DPP4: variants seen among roughly 807,000 people sequenced by gnomAD.
The protein encoded by DPP4 is ADCP-2.
DPP4 carries 93 observed loss-of-function variants against 122.4 expected under a neutral mutation model. The observed-to-expected ratio is 0.76, with a 90% CI of 0.64 to 0.90. DPP4 has a LOEUF of 0.90. Ranked by LOEUF, DPP4 falls within the 40% of genes least tolerant of loss-of-function variation. DPP4 has a pLI of 0.00. For missense variants in DPP4, 914 were observed against 907.3 expected (o/e 1.01, Z -0.09); for synonymous variants, 321 against 302.9 (o/e 1.06, Z -0.62).
intron 7 of DPP4, 116 bp downstream of exon 7, chr2:162,038,833 T>C (rs1683881506): frequency 3.3e-6 from 3 of 898,402 alleles, no homozygotes; most frequent in African/African-American, 1.7e-5. Context: ...AATAACACTA[T>C]GTTCTATAGT....
Position 162,018,850 on chromosome 2 carries a change from T to G in DPP4, c.1299A>C (p.Lys433Asn). 1 of 1,613,528 alleles carries G rather than the reference T, an allele frequency of 6.2e-7. No individual in the cohort carries two copies. Among genetic ancestry groups the G allele is most frequent in the African/African-American group, 1.3e-5 (1 of 75,006 alleles). ...KGMPGGRNLYKIQLSDYTKVT... is the reference protein window; with the variant it reads ...KGMPGGRNLYNIQLSDYTKVT... ...CTTTTGTATAGTCACTAAGTTGGAT[T>G]CTGTAAAACCAACGGTGGAAATTAA... The change falls in exon 16 of 26, where the codon AAA (lysine) becomes AAC (asparagine). Residue 433 changes from lysine (K) to asparagine (N), a missense_variant and splice_region_variant. Transcript: ENST00000360534.
rs145465723 is a variant in DPP4 at position 162,046,585 on chromosome 2, G to C, written c.285+330C>G. ...AGGTTAGCGTTAAGTGTGTGTATACGAGAGTCAAGCCAGAGAGGAGGGCAG... is the reference window on the plus strand; with the variant it reads ...AGGTTAGCGTTAAGTGTGTGTATACCAGAGTCAAGCCAGAGAGGAGGGCAG... On this transcript the variant is annotated intron_variant, in intron 4 of 25. Transcript: ENST00000360534. The C allele has an allele frequency of 5.5e-4, 235 of 424,040 alleles. 1 individual carries two copies. Among genetic ancestry groups the C allele is most frequent in the African/African-American group, 3.8e-3 (186 of 49,246 alleles). 26.3% of individuals were successfully genotyped at this position (424,040 alleles called of 1,614,324 possible).
intron 10 of DPP4, among the ~76,000 whole-genome samples, chr2:162,033,033 G>T (rs1423830826): frequency 6.6e-6 from 1 of 152,054 alleles, no homozygotes; most frequent in African/African-American, 2.4e-5. Flanking sequence ...CAACCTCCTT[G>T]CATTTCCTCC....
intron 10 of DPP4, among the ~76,000 whole-genome samples, chr2:162,030,988 T>C (rs1257833346): frequency 1.3e-5 from 2 of 152,206 alleles, no homozygotes; most frequent in African/African-American, 4.8e-5. Flanking sequence ...CAGCTGTGCC[T>C]TGGAAACGGA....
intron 5 of DPP4, among the ~76,000 whole-genome samples, chr2:162,040,390 G>A (rs1465139517): frequency 6.6e-6 from 1 of 152,078 alleles, no homozygotes; most frequent in Non-Finnish European, 1.5e-5. Context: ...AGAAGAATGA[G>A]CTATTAAGCC....
intron 2 of DPP4, among the ~76,000 whole-genome samples, chr2:162,069,335 G>T (rs1417991774): frequency 6.6e-6 from 1 of 152,110 alleles, no homozygotes; most frequent in East Asian, 1.9e-4. Context: ...AGGCGCTCCT[G>T]CATGTTATTT....
intron 23 of DPP4, among the ~76,000 whole-genome samples, chr2:162,001,063 G>A (rs377373066): frequency 2.0e-5 from 3 of 152,072 alleles, no homozygotes; most frequent in Admixed American, 6.6e-5. Flanking sequence ...CATCATGCTC[G>A]TCCTCCCCAT....
chr2:162,021,801 CAA>C (rs981917843), intron 12 of DPP4, among the ~76,000 whole-genome samples: 5 of 151,922 alleles, frequency 3.3e-5, no homozygotes, highest in Admixed American at 1.3e-4. Context: ...ATATTTTTTT[CAA>C]AGAGTCGTGA....
At chr2:162,024,727 G>C in intron 11 of DPP4, 77 bp downstream of exon 11, 26 of 1,523,950 alleles carry the variant, frequency 1.7e-5, no homozygotes, top group Non-Finnish European at 2.3e-5. Flanking sequence ...CTGATTCCCA[G>C]CCTTCACTCT....
At chr2:162,072,790 A>C (rs1861975) in intron 2 of DPP4, among the ~76,000 whole-genome samples, 43,247 of 152,022 alleles carry the variant, frequency 0.28, 6,642 homozygotes, top group Non-Finnish European at 0.34. Flanking sequence ...CTGATTCCAG[A>C]CCCTTCTTAA....
chr2:162,017,356 T>C (rs1013577075), intron 16 of DPP4: 3 of 565,014 alleles, frequency 5.3e-6, no homozygotes, highest in African/African-American at 3.8e-5. Flanking sequence ...GTGTAAGAAG[T>C]ATTACTGGAA....
At position 162,046,980 on chromosome 2, in the gene DPP4, T is replaced by A. The variant is rs1191752194; in HGVS notation, c.220A>T (p.Asn74Tyr). 2 of 1,596,274 alleles carry A rather than the reference T, an allele frequency of 1.3e-6. No homozygotes were observed. The highest frequency in any genetic ancestry group is 1.7e-6 in the Non-Finnish European group (2 of 1,164,588). ...SDHEYLYKQE[N>Y]NILVFNAEYG... ...TCAGCATTGAATACCAAGATATTAT[T>A]TTCTTGTTTGTAGAGATATTCATGA... is the stretch of plus-strand genomic sequence containing the variant. Residue 74 changes from asparagine (N) to tyrosine (Y), a missense_variant, in exon 4 of 26, where the codon AAT (asparagine) becomes TAT (tyrosine). Coordinates refer to ENST00000360534, the MANE Select transcript of DPP4 (RefSeq NM_001935.4).
intron 23 of DPP4, among the ~76,000 whole-genome samples, chr2:161,997,726 G>A (rs1334625288): frequency 6.6e-6 from 1 of 152,066 alleles, no homozygotes; most frequent in Non-Finnish European, 1.5e-5. Flanking sequence ...TATAAATAAG[G>A]GTTTATAAAA....
intron 2 of DPP4, among the ~76,000 whole-genome samples, chr2:162,057,313 G>A (rs898347753): frequency 8.5e-5 from 13 of 152,182 alleles, no homozygotes; most frequent in Admixed American, 2.6e-4. Flanking sequence ...GCACACTTCC[G>A]TAAGCCTGAG....
intron 17 of DPP4, 87 bp downstream of exon 17, chr2:162,017,021 A>C: frequency 6.7e-7 from 1 of 1,495,906 alleles, no homozygotes; most frequent in South Asian, 1.2e-5. Flanking sequence ...CACAAAGCCA[A>C]AGAAAATCAC....
chr2:162,052,843 G>T (rs2106142549), intron 2 of DPP4, among the ~76,000 whole-genome samples: 1 of 152,280 alleles, frequency 6.6e-6, no homozygotes, highest in East Asian at 1.9e-4. Flanking sequence ...TGGCAGTAAA[G>T]GACCCTTTTG....
intron 9 of DPP4, among the ~76,000 whole-genome samples, chr2:162,034,777 C>T (rs1683706764): frequency 6.6e-6 from 1 of 152,150 alleles, no homozygotes; most frequent in Non-Finnish European, 1.5e-5. Context: ...ACTAGTAATA[C>T]AATCTGATAT....
intron 2 of DPP4, among the ~76,000 whole-genome samples, chr2:162,058,023 C>T (rs1312815365): frequency 6.6e-6 from 1 of 152,082 alleles, no homozygotes; most frequent in Non-Finnish European, 1.5e-5. Flanking sequence ...TCTGCCTGTC[C>T]CGGCCTCCCA....
chr2:162,052,097 T>C (rs536793033), intron 2 of DPP4, among the ~76,000 whole-genome samples: 1 of 152,094 alleles, frequency 6.6e-6, no homozygotes, highest in Non-Finnish European at 1.5e-5. Flanking sequence ...GGTGGGCAGA[T>C]AACCTGAGGT....
Sources: allele counts gnomAD v4.1 joint callset (sites outside exome capture counted in the v4.1 genomes callset), GRCh38; gene constraint gnomAD v4.1.1; transcripts MANE v1.5; gene names NCBI Gene and HGNC (gene_info 2026-07-23, HGNC 2026-07-21).